Variants in PGS1 observed in about 807,000 individuals in gnomAD.
PGS1 encodes phosphatidylglycerophosphate synthase 1.
A neutral mutation model predicts 58.3 loss-of-function variants in PGS1; 44 were observed. The ratio of observed to expected loss-of-function variants is 0.75; its 90% CI spans 0.59 to 0.97. The LOEUF is 0.97. Ranked by LOEUF, PGS1 falls within the 50% of genes least tolerant of loss-of-function variation. The pLI, the probability that PGS1 is intolerant of heterozygous loss-of-function variation, is 0.00. For synonymous variants in PGS1, 330 were observed against 311.0 expected (o/e 1.06, Z -0.64); for missense variants, 684 against 731.1 (o/e 0.94, Z 0.74).
intron 7 of PGS1, among the ~76,000 whole-genome samples, chr17:78,408,976 G>A (rs1039045422): frequency 6.6e-6 from 1 of 152,230 alleles, no homozygotes; most frequent in Non-Finnish European, 1.5e-5. Context: ...GGCAGGAGCA[G>A]CCCGGCCTTG....
At chr17:78,423,120 T>G (rs753894553) in intron 9 of PGS1, among the ~76,000 whole-genome samples, 1 of 90,008 alleles carries the variant, frequency 1.1e-5, no homozygotes, top group African/African-American at 4.0e-5. Flanking sequence ...AAAAAAAAAA[T>G]GTTGATCCTG....
At chr17:78,416,699 G>GT (rs1288981488) in intron 8 of PGS1, among the ~76,000 whole-genome samples, 1 of 152,234 alleles carries the variant, frequency 6.6e-6, no homozygotes, top group Non-Finnish European at 1.5e-5. Flanking sequence ...GTGGAGGGTG[G>GT]TAGGTCTGCT....
At chr17:78,383,902 A>T (rs1946542783) in intron 1 of PGS1, among the ~76,000 whole-genome samples, 1 of 152,136 alleles carries the variant, frequency 6.6e-6, no homozygotes, top group Non-Finnish European at 1.5e-5. Context: ...GGCAAATAGA[A>T]CCCAGCCTGG....
chr17:78,411,018 G>A (rs988250983), intron 7 of PGS1, among the ~76,000 whole-genome samples: 3 of 152,194 alleles, frequency 2.0e-5, no homozygotes, highest in Non-Finnish European at 4.4e-5. Flanking sequence ...GCTACGAAGA[G>A]CAGAGCAAGA....
chr17:78,385,772 C>T lies in PGS1; in HGVS notation c.144-6704C>T, dbSNP rs1189070673. Reference sequence around the variant, plus strand: ...TGTTCCATAGCTTCTCAGCTGCTTCCTGCTCTCACTGTTTCAGTTTGGCTG... The same window carrying T: ...TGTTCCATAGCTTCTCAGCTGCTTCTTGCTCTCACTGTTTCAGTTTGGCTG... On this transcript the variant is annotated intron_variant, in intron 1 of 9. Transcript: ENST00000262764. 3.3e-5 allele frequency among the ~76,000 whole-genome samples: 5 copies of T among 152,334 alleles called. No homozygotes were observed. The East Asian group carries it at 9.7e-4, about 29-fold the overall frequency.
chr17:78,424,202 G>T lies in PGS1; in HGVS notation c.*152G>T, dbSNP rs1287034802. The T allele has an allele frequency of 1.3e-6, 2 of 1,563,622 alleles. No homozygotes were observed. Among genetic ancestry groups the T allele is most frequent in the East Asian group, 2.3e-5 (1 of 44,382 alleles). On this transcript the variant is annotated 3_prime_UTR_variant, in exon 10 of 10. Transcript: ENST00000262764. Reference sequence around the variant, plus strand: ...GTCAGGTGTGCTGCCAGTAAGTGAGGGAGGGGCTGGCAGGAAGGGTGGGGT... The same window carrying T: ...GTCAGGTGTGCTGCCAGTAAGTGAGTGAGGGGCTGGCAGGAAGGGTGGGGT...
intron 9 of PGS1, among the ~76,000 whole-genome samples, chr17:78,422,471 T>G (rs559083963): frequency 8.0e-6 from 1 of 125,462 alleles, no homozygotes; most frequent in African/African-American, 2.8e-5. Flanking sequence ...AAGCTGAACG[T>G]AGAACGATAT....
intron 7 of PGS1, among the ~76,000 whole-genome samples, chr17:78,413,192 A>G (rs914691084): frequency 6.6e-6 from 1 of 152,218 alleles, no homozygotes; most frequent in Non-Finnish European, 1.5e-5. Context: ...CGAGCCCATT[A>G]CAGGAACAGG....
intron 3 of PGS1, among the ~76,000 whole-genome samples, chr17:78,396,817 TAAAC>T (rs1162544229): frequency 2.0e-5 from 3 of 152,386 alleles, no homozygotes; most frequent in Non-Finnish European, 2.9e-5. Context: ...TCTGTATTGG[TAAAC>T]AAACTTTTGT....
chr17:78,422,179 C>G (rs906972634), intron 9 of PGS1, among the ~76,000 whole-genome samples: 2 of 152,008 alleles, frequency 1.3e-5, no homozygotes, highest in Admixed American at 6.5e-5. Context: ...GGCTTTAGCT[C>G]CCCTGGTCAC....
intron 2 of PGS1, among the ~76,000 whole-genome samples, chr17:78,394,660 AT>A (rs2083093621): frequency 6.6e-6 from 1 of 151,336 alleles, no homozygotes; most frequent in Admixed American, 6.6e-5. Context: ...GGTTCAAGTG[AT>A]TCTCCTGCCT....
At chr17:78,419,780 C>T in intron 9 of PGS1, 105 bp downstream of exon 9, 1 of 1,557,686 alleles carries the variant, frequency 6.4e-7, no homozygotes, top group Non-Finnish European at 8.7e-7. Flanking sequence ...CTCTTTGATC[C>T]CTTTCTCAGT....
intron 1 of PGS1, among the ~76,000 whole-genome samples, chr17:78,380,575 A>T (rs184987249): frequency 1.1e-3 from 165 of 152,292 alleles, no homozygotes; most frequent in Non-Finnish European, 1.4e-3. Context: ...TTAACAAAAG[A>T]CCTGCTCATC....
At chr17:78,416,378 C>T (rs1342786603) in intron 8 of PGS1, among the ~76,000 whole-genome samples, 3 of 152,232 alleles carry the variant, frequency 2.0e-5, no homozygotes, top group African/African-American at 7.2e-5. Flanking sequence ...TGCAGAGAGC[C>T]GTTCGCAGAG....
chr17:78,401,586 G>A (rs911564869), intron 6 of PGS1, among the ~76,000 whole-genome samples: 11 of 152,150 alleles, frequency 7.2e-5, no homozygotes, highest in Admixed American at 4.6e-4. Context: ...GCTGAAGTTG[G>A]AACTTGTTGG....
intron 8 of PGS1, 87 bp downstream of exon 8, chr17:78,415,114 G>A: frequency 6.7e-7 from 1 of 1,491,078 alleles, no homozygotes; most frequent in South Asian, 1.2e-5. Flanking sequence ...TGCCCTGAGA[G>A]CTGTTTCCTG....
At chr17:78,399,289 T>G in intron 4 of PGS1, 59 bp from the exon 5 acceptor site, 3 of 1,387,836 alleles carry the variant, frequency 2.2e-6, no homozygotes, top group Non-Finnish European at 3.1e-6. Flanking sequence ...TGGCTCCTCA[T>G]TGGGGGCAGG....
At chr17:78,405,092 G>T (rs2084013673) in intron 7 of PGS1, among the ~76,000 whole-genome samples, 1 of 152,058 alleles carries the variant, frequency 6.6e-6, no homozygotes, top group Non-Finnish European at 1.5e-5. Context: ...CTGCCTCCCG[G>T]GTTCAAATGA....
chr17:78,413,157 G>A (rs1390439362), intron 7 of PGS1, among the ~76,000 whole-genome samples: 1 of 152,232 alleles, frequency 6.6e-6, no homozygotes, highest in East Asian at 1.9e-4. Context: ...AAGTGGCTTT[G>A]ATGTGGCCCT....
Sources: allele counts gnomAD v4.1 joint callset (sites outside exome capture counted in the v4.1 genomes callset), GRCh38; gene constraint gnomAD v4.1.1; transcripts MANE v1.5; gene names NCBI Gene and HGNC (gene_info 2026-07-23, HGNC 2026-07-21).